GALNT14: variants seen among roughly 807,000 people sequenced by gnomAD.
The protein encoded by GALNT14 is UDP-GalNAc:polypeptide N-acetylgalactosaminyltransferase 14.
A neutral mutation model predicts 77.5 loss-of-function variants in GALNT14; 60 were observed. The observed-to-expected ratio is 0.77, with a 90% CI of 0.63 to 0.96. The LOEUF (loss-of-function observed/expected upper bound fraction) is 0.96. Among genes scored for constraint, GALNT14 ranks in the 40% least tolerant of loss-of-function variants. GALNT14 has a pLI of 0.00. For synonymous variants in GALNT14, 280 were observed against 281.7 expected, an observed-to-expected ratio of 0.99 and a Z score of 0.06; for missense variants, 710 against 731.0, an observed-to-expected ratio of 0.97 and a Z score of 0.33.
At chr2:30,977,493 C>A (rs1668706461) in intron 2 of GALNT14, among the ~76,000 whole-genome samples, 2 of 152,186 alleles carry the variant, frequency 1.3e-5, no homozygotes, top group Non-Finnish European at 2.9e-5. Flanking sequence ...CATAGTATCT[C>A]CCCTTGATAC....
chr2:30,934,238 A>T (rs1572991957), intron 9 of GALNT14, among the ~76,000 whole-genome samples: 1 of 152,188 alleles, frequency 6.6e-6, no homozygotes, highest in African/African-American at 2.4e-5. Flanking sequence ...GCAGTAGCAC[A>T]TAGAGGAACC....
Position 30,910,574 on chromosome 2 carries a change from C to T in GALNT14, c.*327G>A, listed in dbSNP as rs971797089. On this transcript the variant is annotated 3_prime_UTR_variant, in exon 15 of 15. Coordinates refer to ENST00000349752, the MANE Select transcript of GALNT14 (RefSeq NM_024572.4). The stretch of plus-strand genomic sequence containing the variant: ...TGAAAAAGAAGGCTTTTCTTTCTGG[C>T]CTCCAGAGACTGCTTCCTTTGTAGG... The T allele has an allele frequency of 4.4e-6, 1 of 229,754 alleles. No individual in the cohort carries two copies. The highest frequency in any genetic ancestry group is 8.4e-6 in the Non-Finnish European group (1 of 119,074). 14.2% of individuals were successfully genotyped at this position (229,754 alleles called of 1,614,324 possible).
chr2:30,992,537 G>T (rs767807923), intron 2 of GALNT14, among the ~76,000 whole-genome samples: 24 of 152,144 alleles, frequency 1.6e-4, no homozygotes, highest in Non-Finnish European at 3.2e-4. Flanking sequence ...TAGTGTTTTT[G>T]GTGCTCTATG....
chr2:30,973,470 C>T (rs561889864), intron 2 of GALNT14, among the ~76,000 whole-genome samples: 1 of 152,284 alleles, frequency 6.6e-6, no homozygotes, highest in African/African-American at 2.4e-5. Context: ...CTTTTAGAAT[C>T]ACAGATTTCA....
intron 1 of GALNT14, among the ~76,000 whole-genome samples, chr2:31,094,789 G>A (rs571437578): frequency 6.6e-6 from 1 of 152,310 alleles, no homozygotes; most frequent in African/African-American, 2.4e-5. Flanking sequence ...AATACCAGAT[G>A]AGGGGCAGGG....
chr2:31,002,362 G>A (rs1461720469), intron 1 of GALNT14, among the ~76,000 whole-genome samples: 1 of 151,968 alleles, frequency 6.6e-6, no homozygotes. Flanking sequence ...GTGGGGAGGC[G>A]GAGGCTGAAG....
At chr2:31,110,193 CCTTCTCCCTTT>C (rs138048288) in intron 1 of GALNT14, among the ~76,000 whole-genome samples, 2,063 of 152,236 alleles carry the variant, frequency 0.014, 37 homozygotes, top group African/African-American at 0.047. Context: ...CCAGATCCTT[CCTTCTCCCTTT>C]CTTACCTCCT....
At chr2:31,122,956 C>A (rs916293586) in intron 1 of GALNT14, among the ~76,000 whole-genome samples, 1 of 151,916 alleles carries the variant, frequency 6.6e-6, no homozygotes, top group African/African-American at 2.4e-5. Context: ...CCGAGGCGGG[C>A]GGATCACGAG....
chr2:30,984,980 C>T (rs56188515), intron 2 of GALNT14, among the ~76,000 whole-genome samples: 6,192 of 152,160 alleles, frequency 0.041, 405 homozygotes, highest in African/African-American at 0.14. Context: ...ATGGCCTTAG[C>T]GCAATCCACA....
chr2:30,919,149 T>C (rs1448678613), intron 13 of GALNT14, among the ~76,000 whole-genome samples: 1 of 152,200 alleles, frequency 6.6e-6, no homozygotes, highest in Non-Finnish European at 1.5e-5. Context: ...GTATTCTTTC[T>C]ACCTTTCACA....
At chr2:30,933,934 G>A (rs1199287495) in intron 9 of GALNT14, among the ~76,000 whole-genome samples, 1 of 152,194 alleles carries the variant, frequency 6.6e-6, no homozygotes, top group Non-Finnish European at 1.5e-5. Flanking sequence ...AGATCAGCAG[G>A]AGTTATTATG....
intron 2 of GALNT14, among the ~76,000 whole-genome samples, chr2:30,978,382 T>A (rs2148370521): frequency 6.6e-6 from 1 of 152,328 alleles, no homozygotes; most frequent in South Asian, 2.1e-4. Context: ...CGTTTCTACT[T>A]CTTTAAATTC....
At position 30,920,178 on chromosome 2, in the gene GALNT14, G is replaced by A. The variant is rs544008716; in HGVS notation, c.1380+3941C>T. ...CAGCAAGAGCAGAGCTATGATATGC[G>A]GCCAGATTCTCCAAATCCATCTTCA... On this transcript the variant is annotated intron_variant, in intron 13 of 14. Coordinates refer to ENST00000349752, the MANE Select transcript of GALNT14 (RefSeq NM_024572.4). 3.2e-4 allele frequency among the ~76,000 whole-genome samples: 48 copies of A among 152,186 alleles called. 1 individual carries two copies. The South Asian group carries it at 9.8e-3, about 31-fold the overall frequency.
chr2:31,038,840 G>A (rs890426539), intron 1 of GALNT14, among the ~76,000 whole-genome samples: 1 of 151,884 alleles, frequency 6.6e-6, no homozygotes, highest in Admixed American at 6.5e-5. Context: ...CTGCCTACTG[G>A]GTTCAAGAGA....
At chr2:30,924,083 GAC>G (rs1356859142) in intron 13 of GALNT14, 34 bp downstream of exon 13, 2 of 1,613,480 alleles carry the variant, frequency 1.2e-6, no homozygotes, top group Non-Finnish European at 1.7e-6. Flanking sequence ...CCTCTACTGT[GAC>G]ACATGGTCCT....
rs1398223866 is a variant in GALNT14, at chr2:30,966,244, G to A, written c.358C>T (p.His120Tyr). The A allele has an allele frequency of 6.2e-7, 1 of 1,614,062 alleles. No individual in the cohort carries two copies. The highest frequency in any genetic ancestry group is 1.1e-5 in the South Asian group (1 of 91,086). The change falls in exon 3 of 15, where the codon CAC becomes TAC. Residue 120 changes from histidine (H) to tyrosine (Y), a missense_variant. Coordinates refer to ENST00000349752, the MANE Select transcript of GALNT14 (RefSeq NM_024572.4). ...AGCAGCGTGGAGCGGGCCTCGTTGT[G>A]GAAGGTGATGATGATGCTAGTGGGT... ...LPPTSIIITF[H>Y]NEARSTLLRT...
chr2:30,997,406 G>A (rs1026987557), intron 1 of GALNT14, among the ~76,000 whole-genome samples: 6 of 152,100 alleles, frequency 3.9e-5, no homozygotes, highest in African/African-American at 1.5e-4. Flanking sequence ...CCATTTCCTG[G>A]CTCATACAAA....
At chr2:30,976,610 TGC>T (rs1370645054) in intron 2 of GALNT14, among the ~76,000 whole-genome samples, 18 of 143,340 alleles carry the variant, frequency 1.3e-4, no homozygotes, top group Admixed American at 5.3e-4. Flanking sequence ...CATGTGCGTG[TGC>T]GTGTGTGTAT....
At chr2:31,119,979 A>T (rs1573376027) in intron 1 of GALNT14, among the ~76,000 whole-genome samples, 2 of 127,224 alleles carry the variant, frequency 1.6e-5, no homozygotes, top group Admixed American at 1.7e-4. Flanking sequence ...ACAAGGTGAA[A>T]CCCCGTCTCT....
Sources: gnomAD v4.1 joint callset for allele counts (sites outside exome capture counted in the v4.1 genomes callset) on GRCh38, gnomAD v4.1.1 for gene constraint, MANE v1.5 for transcripts, NCBI Gene and HGNC (gene_info 2026-07-23, HGNC 2026-07-21) for gene names.